The following SERGEF variants were observed in gnomAD, a reference collection of about 807,000 sequenced individuals.
The protein encoded by SERGEF is secretion-regulating guanine nucleotide exchange factor.
A neutral mutation model predicts 50.0 loss-of-function variants in SERGEF; 51 were observed. The ratio of observed to expected loss-of-function variants is 1.02; its 90% CI spans 0.81 to 1.29. The LOEUF is 1.29. SERGEF is among the 50% of genes most tolerant of loss of function. The pLI, the probability that SERGEF is intolerant of heterozygous loss-of-function variation, is 0.00. For missense variants in SERGEF, 521 were observed against 557.0 expected, an observed-to-expected ratio of 0.94 and a Z score of 0.65; for synonymous variants, 205 against 212.4, an observed-to-expected ratio of 0.97 and a Z score of 0.30.
chr11:17,885,121 A>ATTTTCTTT lies in SERGEF; in HGVS notation c.1012-6878_1012-6877insAAAGAAAA, dbSNP rs1590176558. On this transcript the variant is annotated intron_variant, in intron 9 of 10. Coordinates refer to ENST00000265965, the MANE Select transcript of SERGEF (RefSeq NM_012139.4). ...TCACAAAGGCTCAAACTCTCAAGTG[A>ATTTTCTTT]CAGTTCTAACTCTTTTCCTTATCTC... Among the ~76,000 whole-genome samples, 7 of 152,306 alleles carry ATTTTCTTT rather than the reference A, an allele frequency of 4.6e-5. No homozygotes were observed. The East Asian group carries it at 9.6e-4, about 21-fold the overall frequency.
intron 9 of SERGEF, among the ~76,000 whole-genome samples, chr11:17,940,807 G>C (rs1335139019): frequency 6.6e-6 from 1 of 152,094 alleles, no homozygotes; most frequent in Non-Finnish European, 1.5e-5. Flanking sequence ...AAGTGCAAAG[G>C]CTGAGATATG....
chr11:17,949,997 G>A (rs1335254486), intron 9 of SERGEF, among the ~76,000 whole-genome samples: 1 of 152,184 alleles, frequency 6.6e-6, no homozygotes, highest in Non-Finnish European at 1.5e-5. Context: ...AAAACCTGAT[G>A]CATTATTGGT....
chr11:17,908,701 G>A (rs1343332496), intron 9 of SERGEF, among the ~76,000 whole-genome samples: 1 of 152,144 alleles, frequency 6.6e-6, no homozygotes, highest in Non-Finnish European at 1.5e-5. Flanking sequence ...AAATGCACGT[G>A]GGAAACCAAG....
rs531741250 is a variant in SERGEF at position 17,893,368 on chromosome 11, C to T, written c.1012-15124G>A. On this transcript the variant is annotated intron_variant, in intron 9 of 10. Transcript: ENST00000265965. ...TGTAAAATGGGTGTAGTAATATTTG[C>T]CCCACCAGATAGTGAAGATTAAATG... is the stretch of plus-strand genomic sequence containing the variant. Among the ~76,000 whole-genome samples, 115 of 152,242 alleles carry T rather than the reference C, an allele frequency of 7.6e-4. 2 individuals are homozygous for T. The highest frequency in any genetic ancestry group is 6.6e-3 in the Admixed American group (101 of 15,298).
intron 10 of SERGEF, among the ~76,000 whole-genome samples, chr11:17,837,609 G>A (rs1009947669): frequency 2.0e-5 from 3 of 149,958 alleles, no homozygotes; most frequent in East Asian, 2.0e-4. Context: ...AGAAGCCGGC[G>A]CCATGCTTCT....
Position 17,960,298 on chromosome 11 carries a change from G to A in SERGEF, c.845-662C>T, listed in dbSNP as rs138045313. Reference sequence around the variant, plus strand: ...CAGAAAAGCATTTAGTCCCCCAGATGCACCACATGGGAAGCTGGCCAGTGC... The same window carrying A: ...CAGAAAAGCATTTAGTCCCCCAGATACACCACATGGGAAGCTGGCCAGTGC... On this transcript the variant is annotated intron_variant, in intron 8 of 10. Coordinates refer to ENST00000265965, the MANE Select transcript of SERGEF (RefSeq NM_012139.4). Among the ~76,000 whole-genome samples, 477 of 152,282 alleles carry A rather than the reference G, an allele frequency of 3.1e-3. 1 individual carries two copies. Among genetic ancestry groups the A allele is most frequent in the African/African-American group, 0.011 (442 of 41,556 alleles).
intron 10 of SERGEF, among the ~76,000 whole-genome samples, chr11:17,811,948 A>C (rs953425977): frequency 1.3e-5 from 2 of 152,232 alleles, no homozygotes; most frequent in African/African-American, 2.4e-5. Context: ...CACTCAATGT[A>C]GAGTTGCTGA....
Position 17,888,061 on chromosome 11 carries a change from C to T in SERGEF, c.1012-9817G>A, listed in dbSNP as rs866548705. ...AGCACAAACCCTATTGTGAACTCCG[C>T]GTGGGAGGGATCTAGGCTGCGCAAT... On this transcript the variant is annotated intron_variant, in intron 9 of 10. Transcript: ENST00000265965. This position sits in a 1 kb window ranked among gnomAD's most constrained non-coding sequence, Gnocchi z 4.1. Among the ~76,000 whole-genome samples the T allele has an allele frequency of 1.3e-5, 2 of 152,140 alleles. No individual in the cohort carries two copies. The highest frequency in any genetic ancestry group is 2.9e-5 in the Non-Finnish European group (2 of 68,020).
chr11:17,896,809 G>C (rs1372157445), intron 9 of SERGEF, among the ~76,000 whole-genome samples: 1 of 128,804 alleles, frequency 7.8e-6, no homozygotes, highest in East Asian at 2.5e-4. Context: ...AAGGGTAAGG[G>C]AAGGGTAAGG....
intron 10 of SERGEF, among the ~76,000 whole-genome samples, chr11:17,848,489 T>C (rs1165266195): frequency 6.6e-6 from 1 of 152,240 alleles, no homozygotes; most frequent in African/African-American, 2.4e-5. Context: ...CATCTGGGTC[T>C]GGATCATGAA....
intron 9 of SERGEF, among the ~76,000 whole-genome samples, chr11:17,914,509 C>A (rs1038755088): frequency 6.6e-6 from 1 of 152,260 alleles, no homozygotes; most frequent in African/African-American, 2.4e-5. Flanking sequence ...GCCTCCAAAT[C>A]CTGGGCTCAA....
intron 10 of SERGEF, among the ~76,000 whole-genome samples, chr11:17,862,259 AC>A (rs1850939803): frequency 6.6e-6 from 1 of 152,110 alleles, no homozygotes; most frequent in Non-Finnish European, 1.5e-5. Context: ...GCATTCCCTA[AC>A]CCCATGTTAG....
At chr11:17,831,211 G>C (rs1420864587) in intron 10 of SERGEF, among the ~76,000 whole-genome samples, 4 of 152,234 alleles carry the variant, frequency 2.6e-5, no homozygotes, top group Admixed American at 1.3e-4. Context: ...GGATGAGATA[G>C]AGCCCAGAAA....
At chr11:17,994,677 T>C (rs1452487385) in intron 6 of SERGEF, among the ~76,000 whole-genome samples, 1 of 152,126 alleles carries the variant, frequency 6.6e-6, no homozygotes, top group Non-Finnish European at 1.5e-5. Flanking sequence ...ATGTTTCTAA[T>C]GTCATGTGAA....
intron 9 of SERGEF, among the ~76,000 whole-genome samples, chr11:17,893,018 G>A (rs1851560234): frequency 6.6e-6 from 1 of 152,208 alleles, no homozygotes; most frequent in East Asian, 1.9e-4. Context: ...CTTGTCTGAT[G>A]TTGACGTTTT....
chr11:17,870,806 G>C (rs753543076), intron 10 of SERGEF, among the ~76,000 whole-genome samples: 24 of 152,154 alleles, frequency 1.6e-4, no homozygotes, highest in Middle Eastern at 6.8e-3. Context: ...CAAAGTAGGA[G>C]GGCTTATAAT....
intron 10 of SERGEF, among the ~76,000 whole-genome samples, chr11:17,789,164 A>G (rs1849437459): frequency 6.6e-6 from 1 of 152,066 alleles, no homozygotes; most frequent in Admixed American, 6.5e-5. Context: ...CATGTTTTCC[A>G]TTCCAGTTGT....
chr11:17,840,742 T>C (rs1378288278), intron 10 of SERGEF, among the ~76,000 whole-genome samples: 1 of 152,144 alleles, frequency 6.6e-6, no homozygotes, highest in Non-Finnish European at 1.5e-5. Flanking sequence ...GTTCCCTTGA[T>C]GAAAAGTCAG....
At chr11:17,842,886 AAC>A (rs1272886013) in intron 10 of SERGEF, among the ~76,000 whole-genome samples, 3 of 152,224 alleles carry the variant, frequency 2.0e-5, no homozygotes, top group Non-Finnish European at 2.9e-5. Flanking sequence ...TGGCAGTTCC[AAC>A]ACAGAGTGTG....
Sources: allele counts gnomAD v4.1 joint callset (sites outside exome capture counted in the v4.1 genomes callset), GRCh38; gene constraint gnomAD v4.1.1; non-coding constraint Gnocchi (gnomAD v3.1); transcripts MANE v1.5; gene names NCBI Gene and HGNC (gene_info 2026-07-23, HGNC 2026-07-21).